The following KIF25 variants were observed in gnomAD, a reference collection of about 807,000 sequenced individuals.
KIF25 encodes kinesin-like protein KIF25.
A neutral mutation model predicts 32.9 loss-of-function variants in KIF25; 19 were observed. That is an observed-to-expected ratio of 0.58 (90% CI 0.40 to 0.85). The LOEUF (loss-of-function observed/expected upper bound fraction) is 0.85, where lower values mean the gene tolerates loss of function less well. KIF25 is among the 40% of genes least tolerant of loss of function. KIF25 has a pLI of 0.00. For missense variants in KIF25, 485 were observed against 507.0 expected (o/e 0.96, Z 0.42); for synonymous variants, 225 against 213.7 (o/e 1.05, Z -0.46).
intron 4 of KIF25, among the ~76,000 whole-genome samples, chr6:168,009,783 T>G (rs1248961186): frequency 6.6e-6 from 1 of 152,160 alleles, no homozygotes; most frequent in Non-Finnish European, 1.5e-5. Flanking sequence ...TTTAATTTCT[T>G]TTTTGTTCAA....
intron 4 of KIF25, among the ~76,000 whole-genome samples, chr6:168,015,999 G>A (rs1798707119): frequency 6.6e-6 from 1 of 152,184 alleles, no homozygotes. Flanking sequence ...TCTGGGGTGT[G>A]TGTTCCTGTA....
intron 12 of KIF25, among the ~76,000 whole-genome samples, chr6:168,044,269 G>A (rs960928009): frequency 2.2e-5 from 3 of 138,982 alleles, no homozygotes; most frequent in African/African-American, 5.6e-5. Context: ...GCTAGTGACC[G>A]GCTGCTGACC....
chr6:168,010,679 T>C (rs1429880298), intron 4 of KIF25, among the ~76,000 whole-genome samples: 1 of 152,150 alleles, frequency 6.6e-6, no homozygotes, highest in African/African-American at 2.4e-5. Flanking sequence ...TCTTTGTTGA[T>C]TTTATGTGTA....
At chr6:168,040,562 G>GT (rs1209043382) in intron 10 of KIF25, among the ~76,000 whole-genome samples, 1 of 145,814 alleles carries the variant, frequency 6.9e-6, no homozygotes, top group African/African-American at 2.8e-5. Flanking sequence ...CAAAAACTCT[G>GT]TTAAAAAAAA....
intron 3 of KIF25, 58 bp from the exon 4 acceptor site, chr6:168,003,556 G>A (rs1798534768): frequency 6.6e-6 from 1 of 152,110 alleles, no homozygotes; most frequent in Non-Finnish European, 1.5e-5. Context: ...TGAATGTTAG[G>A]AATTCAGAAA....
intron 5 of KIF25, among the ~76,000 whole-genome samples, chr6:168,020,350 A>C (rs925754459): frequency 2.6e-5 from 4 of 152,192 alleles, no homozygotes; most frequent in Non-Finnish European, 5.9e-5. Context: ...TCAAATACAA[A>C]GACATTTCCA....
At chr6:168,033,515 A>T (rs1798971127) in intron 7 of KIF25, among the ~76,000 whole-genome samples, 1 of 150,840 alleles carries the variant, frequency 6.6e-6, no homozygotes, top group Non-Finnish European at 1.5e-5. Context: ...AAAAAAAAAA[A>T]ATAGATAGTT....
At chr6:168,035,620 C>T (rs2114906670) in intron 8 of KIF25, 1 of 441,778 alleles carries the variant, frequency 2.3e-6, no homozygotes, top group South Asian at 1.6e-5. Flanking sequence ...CTCCAGAAAC[C>T]GGATAATCAG....
At position 168,038,621 on chromosome 6, in the gene KIF25, A is replaced by G. The variant is rs112810886; in HGVS notation, c.386A>G (p.Asp129Gly). The G allele has an allele frequency of 4.7e-4, 752 of 1,614,156 alleles. 4 individuals carry two copies. In the African/African-American group the frequency reaches 8.5e-3, roughly 18 times the overall value. Residue 129 changes from aspartate (D) to glycine (G), a missense_variant, in exon 9 of 13, where the codon GAC becomes GGC. Transcript: ENST00000643607. Reference protein sequence around the residue: ...EVSIVEVYNNDIFDLLAKDSI... With the variant: ...EVSIVEVYNNGIFDLLAKDSI... Reference sequence around the variant, plus strand: ...TCCATAGTGGAAGTTTACAATAATGACATTTTTGACCTTCTGGCCAAAGAC... The same window carrying G: ...TCCATAGTGGAAGTTTACAATAATGGCATTTTTGACCTTCTGGCCAAAGAC...
At chr6:168,007,035 G>C (rs986608657) in intron 4 of KIF25, among the ~76,000 whole-genome samples, 4 of 152,138 alleles carry the variant, frequency 2.6e-5, no homozygotes, top group Non-Finnish European at 5.9e-5. Flanking sequence ...GACAAAAATT[G>C]TATACATTCG....
intron 4 of KIF25, among the ~76,000 whole-genome samples, chr6:168,010,220 T>C (rs1246225399): frequency 6.6e-6 from 1 of 152,136 alleles, no homozygotes; most frequent in Non-Finnish European, 1.5e-5. Context: ...TTAATACTGC[T>C]TTTGCTGTGT....
At chr6:168,035,864 C>G (rs2114907088) in intron 8 of KIF25, 1 of 430,004 alleles carries the variant, frequency 2.3e-6, no homozygotes, top group Non-Finnish European at 4.8e-6. Flanking sequence ...TTTGCAGAAA[C>G]GAGAATCGGA....
intron 12 of KIF25, among the ~76,000 whole-genome samples, chr6:168,043,348 T>C (rs1799159985): frequency 6.6e-6 from 1 of 152,156 alleles, no homozygotes; most frequent in African/African-American, 2.4e-5. Context: ...CTGGGCCCTG[T>C]AGGCCGTGTC....
rs1798681396 is a variant in KIF25, at chr6:168,013,916, T to C, written c.-162-4057T>C. 2.6e-5 allele frequency among the ~76,000 whole-genome samples: 4 copies of C among 152,250 alleles called. No homozygotes were observed. The South Asian group carries it at 8.3e-4, about 32-fold the overall frequency. ...TAGTCCGAGCTCAGCTGTGTAGTCATTGCCTTGGTCCTTTCTTGGGCAGAG... is the reference window on the plus strand; with the variant it reads ...TAGTCCGAGCTCAGCTGTGTAGTCACTGCCTTGGTCCTTTCTTGGGCAGAG... On this transcript the variant is annotated intron_variant, in intron 4 of 12. Transcript: ENST00000643607.
intron 5 of KIF25, 139 bp from the exon 6 acceptor site, chr6:168,029,353 A>G (rs1206099378): frequency 3.5e-6 from 2 of 575,014 alleles, no homozygotes; most frequent in Non-Finnish European, 5.7e-6. Flanking sequence ...CTAAAACACC[A>G]GCTGGAAAAA....
chr6:168,010,736 A>T (rs1343702453), intron 4 of KIF25, among the ~76,000 whole-genome samples: 1 of 152,090 alleles, frequency 6.6e-6, no homozygotes, highest in Non-Finnish European at 1.5e-5. Flanking sequence ...TCCTCAGTGA[A>T]TATTGTATTG....
chr6:168,023,178 C>A (rs1321513130), intron 5 of KIF25, among the ~76,000 whole-genome samples: 1 of 152,032 alleles, frequency 6.6e-6, no homozygotes, highest in Non-Finnish European at 1.5e-5. Flanking sequence ...TGGATTGGTT[C>A]CTCAGCCTGG....
chr6:168,035,100 G>A (rs987708254), intron 8 of KIF25, among the ~76,000 whole-genome samples: 2 of 130,714 alleles, frequency 1.5e-5, no homozygotes, highest in African/African-American at 5.9e-5. Flanking sequence ...TCAGGCAAGA[G>A]CCCTGGGGAA....
chr6:168,026,068 G>A (rs7764952), intron 5 of KIF25, among the ~76,000 whole-genome samples: 8,781 of 152,286 alleles, frequency 0.058, 540 homozygotes, highest in African/African-American at 0.15. Flanking sequence ...GGGCACCACC[G>A]CCCAGTCTAG....
Sources: allele counts gnomAD v4.1 joint callset (sites outside exome capture counted in the v4.1 genomes callset), GRCh38; gene constraint gnomAD v4.1.1; transcripts MANE v1.5; gene names NCBI Gene and HGNC (gene_info 2026-07-23, HGNC 2026-07-21).